SLCO1C1: variants seen among roughly 807,000 people sequenced by gnomAD.
SLCO1C1 encodes OAT-RP-5.
In SLCO1C1, 70 loss-of-function variants were observed where a neutral mutation model predicts 76.4. That is an observed-to-expected ratio of 0.92 (90% CI 0.76 to 1.12). SLCO1C1 has a LOEUF of 1.12. SLCO1C1 is among the 50% of genes most tolerant of loss of function. SLCO1C1 has a pLI of 0.00. For synonymous variants in SLCO1C1, 306 were observed against 286.1 expected (o/e 1.07, Z -0.70); for missense variants, 912 against 823.8 (o/e 1.11, Z -1.31).
chr12:20,722,058 A>C lies in SLCO1C1; in HGVS notation c.1021+9A>C, dbSNP rs746743219. The C allele has an allele frequency of 6.2e-7, 1 of 1,608,354 alleles. No homozygotes were observed. Among genetic ancestry groups the C allele is most frequent in the Non-Finnish European group, 8.5e-7 (1 of 1,177,668 alleles). On this transcript the variant is annotated intron_variant, in intron 8 of 14. Coordinates refer to ENST00000266509, the MANE Select transcript of SLCO1C1 (RefSeq NM_017435.5). ...AATGGAAATGGCAAGAGGTAAGTCAAATTCTTGATTTTGAAGTATTTTCAT... is the reference window on the plus strand; with the variant it reads ...AATGGAAATGGCAAGAGGTAAGTCACATTCTTGATTTTGAAGTATTTTCAT...
chr12:20,735,831 C>T (rs1347999056), intron 10 of SLCO1C1, among the ~76,000 whole-genome samples: 1 of 152,122 alleles, frequency 6.6e-6, no homozygotes, highest in Non-Finnish European at 1.5e-5. Flanking sequence ...TTTTAATTGA[C>T]TAACTTACTG....
chr12:20,711,128 C>T (rs550746584), intron 4 of SLCO1C1, among the ~76,000 whole-genome samples: 1 of 152,284 alleles, frequency 6.6e-6, no homozygotes, highest in South Asian at 2.1e-4. Context: ...TTGTGTTGGG[C>T]TGCATTCAAG....
intron 12 of SLCO1C1, among the ~76,000 whole-genome samples, chr12:20,740,654 A>T (rs953640124): frequency 1.3e-5 from 2 of 151,306 alleles, no homozygotes; most frequent in Admixed American, 6.6e-5. Context: ...CCTACTTCTA[A>T]CGCTGGTGAT....
intron 9 of SLCO1C1, among the ~76,000 whole-genome samples, chr12:20,729,778 T>C (rs1424766201): frequency 2.0e-5 from 3 of 151,738 alleles, no homozygotes; most frequent in Non-Finnish European, 4.4e-5. Flanking sequence ...TATTAAAAGA[T>C]GAAAGTGTGA....
intron 9 of SLCO1C1, among the ~76,000 whole-genome samples, chr12:20,730,298 A>G (rs1948210939): frequency 6.6e-6 from 1 of 152,134 alleles, no homozygotes; most frequent in Non-Finnish European, 1.5e-5. Context: ...TTATATATTC[A>G]GTGCATGTAT....
chr12:20,734,240 T>C (rs1052155317), intron 10 of SLCO1C1, among the ~76,000 whole-genome samples: 8 of 152,200 alleles, frequency 5.3e-5, no homozygotes, highest in Admixed American at 1.3e-4. Context: ...TGTTATAGTT[T>C]TGGCCATCTA....
In SLCO1C1 at chr12:20,723,154, C is replaced by T. The variant is rs185836507; in HGVS notation, c.1086C>T (p.Ser362=). 6.2e-7 allele frequency: 1 copy of T among 1,614,054 alleles called. No individual in the cohort carries two copies. Among genetic ancestry groups the T allele is most frequent in the African/African-American group, 1.3e-5 (1 of 75,042 alleles). ...TATACTTCCTATATTTATGTACAAG[C>T]ACTGTTCAGTTCAATTCTCTGTTCG... ...NPVYFLYLCT[S]TVQFNSLFGM... The change falls in exon 9 of 15, where the codon AGC becomes AGT. Residue 362 remains serine, a synonymous_variant. Coordinates refer to ENST00000266509, the MANE Select transcript of SLCO1C1 (RefSeq NM_017435.5).
intron 4 of SLCO1C1, among the ~76,000 whole-genome samples, chr12:20,710,372 T>C (rs73240463): frequency 0.041 from 6,256 of 152,016 alleles, 207 homozygotes; most frequent in African/African-American, 0.084. Flanking sequence ...TGCATGCCAA[T>C]GCATATTCCT....
intron 9 of SLCO1C1, among the ~76,000 whole-genome samples, chr12:20,723,643 G>A (rs1947791898): frequency 6.6e-6 from 1 of 152,058 alleles, no homozygotes; most frequent in Admixed American, 6.6e-5. Flanking sequence ...TATTTTCGCG[G>A]TCAAAAAACT....
intron 13 of SLCO1C1, 33 bp downstream of exon 13, chr12:20,743,402 A>T: frequency 6.6e-7 from 1 of 1,515,692 alleles, no homozygotes; most frequent in Non-Finnish European, 9.1e-7. Context: ...TTTATGGTAG[A>T]CACCGTAAGT....
intron 11 of SLCO1C1, 69 bp from the exon 12 acceptor site, chr12:20,740,115 T>A (rs774026910): frequency 7.0e-7 from 1 of 1,421,014 alleles, no homozygotes; most frequent in African/African-American, 1.4e-5. Context: ...TAAACATTTT[T>A]AACATAACTG....
intron 10 of SLCO1C1, among the ~76,000 whole-genome samples, chr12:20,735,207 A>G (rs1948483010): frequency 6.6e-6 from 1 of 152,210 alleles, no homozygotes; most frequent in Non-Finnish European, 1.5e-5. Flanking sequence ...TGACCTGAAT[A>G]TTCAATAGGA....
chr12:20,745,360 A>G (rs1179563328), intron 13 of SLCO1C1, among the ~76,000 whole-genome samples: 1 of 152,140 alleles, frequency 6.6e-6, no homozygotes, highest in Non-Finnish European at 1.5e-5. Context: ...TAAAAAATAA[A>G]ATTTTTTGCC....
At chr12:20,749,869 A>T (rs1332356635) in intron 13 of SLCO1C1, among the ~76,000 whole-genome samples, 1 of 152,238 alleles carries the variant, frequency 6.6e-6, no homozygotes. Flanking sequence ...ACTGAAGGAA[A>T]ACGTTCAAAC....
At chr12:20,715,796 T>G (rs1004094844) in intron 6 of SLCO1C1, among the ~76,000 whole-genome samples, 1 of 151,984 alleles carries the variant, frequency 6.6e-6, no homozygotes, top group African/African-American at 2.4e-5. Flanking sequence ...ATATAAAAAA[T>G]AAAAGCAAGG....
chr12:20,724,848 A>T (rs970949866), intron 9 of SLCO1C1, among the ~76,000 whole-genome samples: 1 of 146,052 alleles, frequency 6.8e-6, no homozygotes, highest in African/African-American at 2.5e-5. Context: ...AATAGATAAT[A>T]TAATAATATA....
In SLCO1C1 at chr12:20,721,967, G is replaced by A; in HGVS notation, c.939G>A (p.Glu313=). The change falls in exon 8 of 15, where the codon GAG becomes GAA. Residue 313 remains glutamate (E), a synonymous_variant. Transcript: ENST00000266509. ...QSREDSNSSS[E]KSKFIIDDHT... ...GAGAGGATTCTAATTCTTCCTCTGA[G>A]AAATCCAAGTTTATTATAGATGATC... The A allele has an allele frequency of 4.3e-6, 7 of 1,613,960 alleles. No individual in the cohort carries two copies. Among genetic ancestry groups the A allele is most frequent in the African/African-American group, 1.3e-5 (1 of 74,904 alleles).
chr12:20,747,769 C>A (rs769701273), intron 13 of SLCO1C1, among the ~76,000 whole-genome samples: 1 of 152,016 alleles, frequency 6.6e-6, no homozygotes, highest in Non-Finnish European at 1.5e-5. Flanking sequence ...GGGTTTCAAG[C>A]AAAATAGAGG....
intron 1 of SLCO1C1, chr12:20,696,917 T>C (rs555353540): frequency 1.2e-3 from 183 of 152,218 alleles, no homozygotes; most frequent in African/African-American, 4.1e-3. Context: ...AGCTATGCAG[T>C]GCCAATAGTT....
Sources: gnomAD v4.1 joint callset for allele counts (sites outside exome capture counted in the v4.1 genomes callset) on GRCh38, gnomAD v4.1.1 for gene constraint, MANE v1.5 for transcripts, NCBI Gene and HGNC (gene_info 2026-07-23, HGNC 2026-07-21) for gene names.